PMEPA1: variants seen among roughly 807,000 people sequenced by gnomAD.
PMEPA1 encodes the protein protein TMEPAI.
A neutral mutation model predicts 23.0 loss-of-function variants in PMEPA1; 11 were observed. That is an observed-to-expected ratio of 0.48 (90% CI 0.30 to 0.79). The LOEUF (loss-of-function observed/expected upper bound fraction) is 0.79, where lower values mean the gene tolerates loss of function less well. Among genes scored for constraint, PMEPA1 ranks in the 30% least tolerant of loss-of-function variants. The pLI, the probability that PMEPA1 is intolerant of heterozygous loss-of-function variation, is 0.06. For missense variants in PMEPA1, 377 were observed against 390.9 expected (o/e 0.96, Z 0.30); for synonymous variants, 204 against 166.4 (o/e 1.23, Z -1.74).
rs902312781 is a variant in PMEPA1, at chr20:57,651,109, C to G, written c.*944G>C. 1 of 152,268 alleles carries G rather than the reference C, an allele frequency of 6.6e-6. No individual in the cohort carries two copies. The allele number at this position is 152,268 out of a possible 1,614,324, so 9.4% of individuals were successfully genotyped here. On this transcript the variant is annotated 3_prime_UTR_variant, in exon 4 of 4. Coordinates refer to ENST00000341744, the MANE Select transcript of PMEPA1 (RefSeq NM_020182.5). Reference sequence around the variant, plus strand: ...TTTTTGGGAAAGGCAAAACCACTACCTGGAACTCGGTGCCTCCGTGGTTAA... The same window carrying G: ...TTTTTGGGAAAGGCAAAACCACTACGTGGAACTCGGTGCCTCCGTGGTTAA...
In PMEPA1 at chr20:57,709,766, C is replaced by G. The variant is rs916166267; in HGVS notation, c.-184G>C. The G allele has an allele frequency of 1.0e-6, 1 of 980,874 alleles. No homozygotes were observed. The highest frequency in any genetic ancestry group is 6.3e-5 in the Admixed American group (1 of 15,922). 60.8% of individuals were successfully genotyped at this position (980,874 alleles called of 1,614,324 possible). Reference sequence around the variant, plus strand: ...CGCCGCGGGGCTCAGTGCGCGGGACCGCGCTCCGCTGCGCCCCCCCGGCCT... The same window carrying G: ...CGCCGCGGGGCTCAGTGCGCGGGACGGCGCTCCGCTGCGCCCCCCCGGCCT... On this transcript the variant is annotated 5_prime_UTR_variant, in exon 1 of 4. Coordinates refer to ENST00000341744, the MANE Select transcript of PMEPA1 (RefSeq NM_020182.5).
At chr20:57,684,010 C>T (rs915536711) in intron 1 of PMEPA1, among the ~76,000 whole-genome samples, 2 of 152,146 alleles carry the variant, frequency 1.3e-5, no homozygotes, top group Non-Finnish European at 2.9e-5. Flanking sequence ...AATGTCCCAC[C>T]ACGCCCCACC....
Position 57,672,118 on chromosome 20 carries a change from G to A in PMEPA1, c.110-12421C>T, listed in dbSNP as rs983552701. Reference sequence around the variant, plus strand: ...CTATCCCTTTTACTTTTTTGTATTCGTAAATTGTTTGCATTTTTATAACAG... The same window carrying A: ...CTATCCCTTTTACTTTTTTGTATTCATAAATTGTTTGCATTTTTATAACAG... On this transcript the variant is annotated intron_variant, in intron 1 of 3. Transcript: ENST00000341744. 3.9e-5 allele frequency among the ~76,000 whole-genome samples: 6 copies of A among 152,324 alleles called. 1 individual carries two copies. Among genetic ancestry groups the A allele is most frequent in the African/African-American group, 7.2e-5 (3 of 41,586 alleles).
chr20:57,697,497 A>C (rs1010221931), intron 1 of PMEPA1, among the ~76,000 whole-genome samples: 1 of 152,252 alleles, frequency 6.6e-6, no homozygotes, highest in African/African-American at 2.4e-5. Context: ...GGTTACTGGC[A>C]AATTTCTCCT....
Position 57,693,060 on chromosome 20 carries a change from C to G in PMEPA1, c.109+16414G>C, listed in dbSNP as rs549081805. ...CCCGAAGTGGCAAAACCACGATGTT[C>G]ACGCTTATGTTGTGAGCAGGCCGGG... On this transcript the variant is annotated intron_variant, in intron 1 of 3. Transcript: ENST00000341744. 3.9e-5 allele frequency among the ~76,000 whole-genome samples: 6 copies of G among 152,236 alleles called. No individual in the cohort carries two copies. The East Asian group carries it at 7.7e-4, about 20-fold the overall frequency.
chr20:57,670,974 G>A (rs555931758), intron 1 of PMEPA1, among the ~76,000 whole-genome samples: 6 of 152,210 alleles, frequency 3.9e-5, no homozygotes, highest in East Asian at 1.9e-4. Context: ...AGGATGCAGC[G>A]CGGCCGTGGG....
intron 1 of PMEPA1, among the ~76,000 whole-genome samples, chr20:57,687,255 C>T (rs573370797): frequency 1.1e-4 from 17 of 152,308 alleles, no homozygotes; most frequent in African/African-American, 4.1e-4. Context: ...AGGTGATCTC[C>T]TGTGCCTGGG....
intron 1 of PMEPA1, among the ~76,000 whole-genome samples, chr20:57,666,561 C>A (rs1359808320): frequency 1.3e-5 from 2 of 152,126 alleles, no homozygotes; most frequent in African/African-American, 4.8e-5. Context: ...TGTGATTATC[C>A]CAAAATGCCA....
chr20:57,698,549 C>T (rs2071971390), intron 1 of PMEPA1, among the ~76,000 whole-genome samples: 1 of 152,214 alleles, frequency 6.6e-6, no homozygotes, highest in Non-Finnish European at 1.5e-5. Flanking sequence ...AAAGAAATTA[C>T]TCAGGGTGTT....
In PMEPA1 at chr20:57,651,946, C is replaced by T. The variant is rs906781569; in HGVS notation, c.*107G>A. The T allele has an allele frequency of 1.1e-5, 10 of 885,344 alleles. No homozygotes were observed. The African/African-American group carries it at 1.7e-4, about 15-fold the overall frequency. The allele number at this position is 885,344 out of a possible 1,614,324, so 54.8% of individuals were successfully genotyped here. On this transcript the variant is annotated 3_prime_UTR_variant, in exon 4 of 4. Coordinates refer to ENST00000341744, the MANE Select transcript of PMEPA1 (RefSeq NM_020182.5). Reference sequence around the variant, plus strand: ...ACAGGGAGGTGGGAGGGGAGGGCCACACGATGCGTTGCTGCGCCCCCCGCC... The same window carrying T: ...ACAGGGAGGTGGGAGGGGAGGGCCATACGATGCGTTGCTGCGCCCCCCGCC...
chr20:57,695,361 C>G (rs1048819619), intron 1 of PMEPA1, among the ~76,000 whole-genome samples: 1 of 152,262 alleles, frequency 6.6e-6, no homozygotes, highest in East Asian at 1.9e-4. Flanking sequence ...GGGGCTGGGA[C>G]AGACACCCAG....
chr20:57,652,113 G>C lies in PMEPA1; in HGVS notation c.804C>G (p.Pro268=), dbSNP rs770375124. The change falls in exon 4 of 4, where the codon CCC becomes CCG. Residue 268 remains proline (P), a synonymous_variant. Transcript: ENST00000341744. This position sits in a 1 kb window ranked among gnomAD's most constrained non-coding sequence, Gnocchi z 6.1. Reference sequence around the variant, plus strand: ...TGCTCCAGATGGCTGCGCTCTCTAGGGGCGCGATGTGTGTGTGGTGGAGCC... The same window carrying C: ...TGCTCCAGATGGCTGCGCTCTCTAGCGGCGCGATGTGTGTGTGGTGGAGCC... The part of the protein sequence containing the change: ...GTRLHHTHIA[P]LESAAIWSKE... The C allele has an allele frequency of 6.3e-7, 1 of 1,580,932 alleles. No homozygotes were observed. Among genetic ancestry groups the C allele is most frequent in the Non-Finnish European group, 8.6e-7 (1 of 1,162,154 alleles).
rs1054138841 is a variant in PMEPA1 at position 57,648,795 on chromosome 20, A to T, written c.*3258T>A. On this transcript the variant is annotated 3_prime_UTR_variant, in exon 4 of 4. Coordinates refer to ENST00000341744, the MANE Select transcript of PMEPA1 (RefSeq NM_020182.5). ...GACATTTTCTTTCCTTATCGACGGG[A>T]TATTTTATGGTTCTGGAAGCTTCGT... 1.3e-5 allele frequency: 2 copies of T among 152,162 alleles called. No individual in the cohort carries two copies. Among genetic ancestry groups the T allele is most frequent in the Non-Finnish European group, 1.5e-5 (1 of 68,028 alleles). The allele number at this position is 152,162 out of a possible 1,614,324, so 9.4% of individuals were successfully genotyped here. A position where few individuals can be genotyped will look rare whatever the true frequency, so the allele number is the denominator to read the frequency against.
intron 1 of PMEPA1, among the ~76,000 whole-genome samples, chr20:57,665,573 G>C (rs953507969): frequency 3.3e-5 from 5 of 151,412 alleles, no homozygotes; most frequent in African/African-American, 7.3e-5. Flanking sequence ...AGCTCAGAAC[G>C]GGACAGAACG....
chr20:57,666,550 G>A (rs2071495132), intron 1 of PMEPA1, among the ~76,000 whole-genome samples: 1 of 152,178 alleles, frequency 6.6e-6, no homozygotes, highest in African/African-American at 2.4e-5. Flanking sequence ...GCAGTCCTGA[G>A]TGTGATTATC....
intron 1 of PMEPA1, among the ~76,000 whole-genome samples, chr20:57,687,430 T>C (rs962039866): frequency 1.3e-5 from 2 of 152,160 alleles, no homozygotes; most frequent in African/African-American, 4.8e-5. Context: ...ACCCAGGTGC[T>C]TTTTGCATGT....
At chr20:57,684,098 G>A (rs879892995) in intron 1 of PMEPA1, among the ~76,000 whole-genome samples, 2 of 152,170 alleles carry the variant, frequency 1.3e-5, no homozygotes, top group Non-Finnish European at 2.9e-5. Context: ...ACGCAGTTTA[G>A]GGATCCCAGG....
intron 1 of PMEPA1, among the ~76,000 whole-genome samples, chr20:57,702,328 C>T (rs912928694): frequency 1.3e-5 from 2 of 152,158 alleles, no homozygotes; most frequent in African/African-American, 4.8e-5. Flanking sequence ...CCCGCCACGA[C>T]ATCTGTTGGT....
At chr20:57,710,435 G>T (rs1436289654), upstream of PMEPA1, 3 of 1,600,136 alleles carry the variant, frequency 1.9e-6, no homozygotes. Flanking sequence ...GGAGAAAGGG[G>T]GAGGAAGCCC....
Sources: gnomAD v4.1 joint callset for allele counts (sites outside exome capture counted in the v4.1 genomes callset) on GRCh38, gnomAD v4.1.1 for gene constraint, Gnocchi (gnomAD v3.1) non-coding constraint, MANE v1.5 for transcripts, NCBI Gene and HGNC (gene_info 2026-07-23, HGNC 2026-07-21) for gene names.